Variants in RORA observed in about 807,000 individuals in gnomAD.
RORA encodes RAR related orphan receptor A.
RORA carries 7 observed loss-of-function variants against 69.5 expected under a neutral mutation model. The observed-to-expected ratio is 0.10, with a 90% CI of 0.06 to 0.19. The LOEUF is 0.19. RORA is among the 10% of genes least tolerant of loss of function. The pLI is 1.00. For synonymous variants in RORA, 261 were observed against 240.8 expected (o/e 1.08, Z -0.78); for missense variants, 457 against 663.0 (o/e 0.69, Z 3.41).
intron 1 of RORA, among the ~76,000 whole-genome samples, chr15:60,907,782 T>C (rs1013820938): frequency 3.9e-5 from 6 of 152,280 alleles, no homozygotes; most frequent in Admixed American, 1.3e-4. Flanking sequence ...CACCCTCCAC[T>C]TCCCATGTGT....
chr15:60,725,090 C>G (rs117689698), intron 1 of RORA, among the ~76,000 whole-genome samples: 1 of 152,192 alleles, frequency 6.6e-6, no homozygotes, highest in African/African-American at 2.4e-5. Context: ...TTCTGATTAG[C>G]GATTATAAAA....
intron 1 of RORA, among the ~76,000 whole-genome samples, chr15:60,747,393 C>G (rs1345946051): frequency 6.6e-6 from 1 of 152,070 alleles, no homozygotes; most frequent in Admixed American, 6.5e-5. Flanking sequence ...CTCCATAAAT[C>G]AAGGGTAGGG....
chr15:61,076,447 T>G (rs980960378), intron 1 of RORA, among the ~76,000 whole-genome samples: 2 of 151,950 alleles, frequency 1.3e-5, no homozygotes, highest in Non-Finnish European at 2.9e-5. Context: ...ATCAGCTCTG[T>G]TTTGGACCCA....
intron 2 of RORA, among the ~76,000 whole-genome samples, chr15:60,569,057 C>G (rs2067799305): frequency 6.6e-6 from 1 of 151,532 alleles, no homozygotes; most frequent in South Asian, 2.1e-4. Context: ...ACACCTCTAT[C>G]TTCTGGCATT....
At chr15:61,028,183 T>C (rs1456532871) in intron 1 of RORA, among the ~76,000 whole-genome samples, 1 of 152,236 alleles carries the variant, frequency 6.6e-6, no homozygotes, top group Non-Finnish European at 1.5e-5. Context: ...TTGCCCATCA[T>C]GGTTACTTCT....
At chr15:60,602,963 C>G (rs2068853788) in intron 2 of RORA, among the ~76,000 whole-genome samples, 1 of 152,128 alleles carries the variant, frequency 6.6e-6, no homozygotes, top group African/African-American at 2.4e-5. Flanking sequence ...ATCCTGGCAA[C>G]CAGAGATGTT....
chr15:60,971,979 A>G (rs1523527), intron 1 of RORA, among the ~76,000 whole-genome samples: 37,295 of 152,176 alleles, frequency 0.25, 5,114 homozygotes, highest in Non-Finnish European at 0.3. Flanking sequence ...GGAGAGAACA[A>G]GAATGGGAGA....
chr15:61,056,397 C>T (rs2078097106), intron 1 of RORA, among the ~76,000 whole-genome samples: 1 of 152,186 alleles, frequency 6.6e-6, no homozygotes, highest in Admixed American at 6.5e-5. Context: ...CTCTCTGAAT[C>T]CCATGCTCCT....
chr15:60,960,733 G>A (rs899326656), intron 1 of RORA, among the ~76,000 whole-genome samples: 4 of 151,668 alleles, frequency 2.6e-5, no homozygotes, highest in African/African-American at 9.7e-5. Context: ...GCCTCCAAAG[G>A]CTGGCTTCAC....
intron 1 of RORA, among the ~76,000 whole-genome samples, chr15:61,132,830 A>C (rs1440761585): frequency 2.6e-5 from 4 of 152,194 alleles, no homozygotes; most frequent in Non-Finnish European, 5.9e-5. Context: ...TGCTTGGTAC[A>C]TTTATATGAT....
At chr15:61,034,313 G>C (rs1896339301) in intron 1 of RORA, among the ~76,000 whole-genome samples, 1 of 152,186 alleles carries the variant, frequency 6.6e-6, no homozygotes, top group Non-Finnish European at 1.5e-5. Flanking sequence ...TTTTAAAAAT[G>C]TCATTCTTGA....
At chr15:60,886,621 A>G (rs1294358836) in intron 1 of RORA, among the ~76,000 whole-genome samples, 1 of 152,238 alleles carries the variant, frequency 6.6e-6, no homozygotes, top group Non-Finnish European at 1.5e-5. Context: ...TTTACTCAAT[A>G]TAGACAGCTT....
chr15:61,013,299 T>TTG (rs1895150159), intron 1 of RORA, among the ~76,000 whole-genome samples: 1 of 152,248 alleles, frequency 6.6e-6, no homozygotes. Flanking sequence ...CATTTGTTTA[T>TTG]GAACTGCCTC....
intron 2 of RORA, among the ~76,000 whole-genome samples, chr15:60,635,344 T>A (rs1596083785): frequency 6.6e-6 from 1 of 152,186 alleles, no homozygotes; most frequent in Non-Finnish European, 1.5e-5. Flanking sequence ...ATAAATTAGA[T>A]TTTTTTGATG....
Position 60,976,466 on chromosome 15 carries a change from G to C in RORA, c.166+252587C>G, listed in dbSNP as rs190176249. Among the ~76,000 whole-genome samples, 11 of 152,256 alleles carry C rather than the reference G, an allele frequency of 7.2e-5. No homozygotes were observed. In the East Asian group the frequency reaches 1.9e-3, roughly 27 times the overall value. On this transcript the variant is annotated intron_variant, in intron 1 of 10. Coordinates refer to ENST00000335670, the MANE Select transcript of RORA (RefSeq NM_134261.3). ...ACCAGAATACAGCATACTGAAGATG[G>C]ATCCTTCTAGACCCACTCCTTCTGC... is the stretch of plus-strand genomic sequence containing the variant.
At chr15:60,723,300 T>C (rs752708261) in intron 1 of RORA, among the ~76,000 whole-genome samples, 2 of 152,144 alleles carry the variant, frequency 1.3e-5, no homozygotes, top group Non-Finnish European at 2.9e-5. Context: ...TGAAAAAGGT[T>C]TGCTGAAAGA....
At chr15:60,506,924 T>G (rs2065523322) in intron 5 of RORA, among the ~76,000 whole-genome samples, 1 of 151,078 alleles carries the variant, frequency 6.6e-6, no homozygotes, top group South Asian at 2.1e-4. Flanking sequence ...AAGCTGGAGG[T>G]TGCAGTGAGC....
chr15:61,028,361 C>A (rs948922405), intron 1 of RORA, among the ~76,000 whole-genome samples: 1 of 152,176 alleles, frequency 6.6e-6, no homozygotes, highest in Middle Eastern at 3.2e-3. Context: ...GAAATTCATA[C>A]AAACGGTCTA....
chr15:61,215,485 T>G (rs1419996342), intron 1 of RORA, among the ~76,000 whole-genome samples: 1 of 152,236 alleles, frequency 6.6e-6, no homozygotes, highest in Non-Finnish European at 1.5e-5. Context: ...TAGAAAGCCT[T>G]GTTTTCAAAG....
Sources: gnomAD v4.1 joint callset for allele counts (sites outside exome capture counted in the v4.1 genomes callset) on GRCh38, gnomAD v4.1.1 for gene constraint, MANE v1.5 for transcripts, NCBI Gene and HGNC (gene_info 2026-07-23, HGNC 2026-07-21) for gene names.